The following TBC1D12 variants were observed in gnomAD, a reference collection of about 807,000 sequenced individuals.
TBC1D12 encodes TBC1 domain family, member 12.
A neutral mutation model predicts 86.7 loss-of-function variants in TBC1D12; 56 were observed. The ratio of observed to expected loss-of-function variants is 0.65; its 90% CI spans 0.52 to 0.81. The LOEUF is 0.81. TBC1D12 is among the 30% of genes least tolerant of loss of function. The pLI is 0.00. For synonymous variants in TBC1D12, 421 were observed against 411.7 expected (o/e 1.02, Z -0.27); for missense variants, 1,023 against 1,038.8 (o/e 0.98, Z 0.21).
chr10:94,470,494 C>T (rs1290983355), intron 2 of TBC1D12, among the ~76,000 whole-genome samples: 1 of 151,984 alleles, frequency 6.6e-6, no homozygotes, highest in African/African-American at 2.4e-5. Context: ...TCCCAAGTAG[C>T]TGAGGACTAG....
intron 1 of TBC1D12, among the ~76,000 whole-genome samples, chr10:94,439,090 C>T (rs1286383495): frequency 6.6e-6 from 1 of 152,110 alleles, no homozygotes; most frequent in African/African-American, 2.4e-5. Flanking sequence ...AGATGTGAGC[C>T]ACCATGCCCC....
intron 1 of TBC1D12, among the ~76,000 whole-genome samples, chr10:94,420,169 A>G (rs1218846089): frequency 6.6e-6 from 1 of 152,128 alleles, no homozygotes; most frequent in Admixed American, 6.5e-5. Context: ...TAACACCCTT[A>G]TAAGAAGAGG....
Position 94,533,234 on chromosome 10 carries a change from A to G in TBC1D12, c.*138A>G, listed in dbSNP as rs1319934952. ...AGAGGTGGAAAACTGCTGATTTTACATTTTATGGCTGAAGTAAATGAAATA... is the reference window on the plus strand; with the variant it reads ...AGAGGTGGAAAACTGCTGATTTTACGTTTTATGGCTGAAGTAAATGAAATA... On this transcript the variant is annotated 3_prime_UTR_variant, in exon 13 of 13. Transcript: ENST00000225235. 5 of 518,474 alleles carry G rather than the reference A, an allele frequency of 9.6e-6. No homozygotes were observed. Among genetic ancestry groups the G allele is most frequent in the Non-Finnish European group, 1.7e-5 (5 of 298,900 alleles). The allele number at this position is 518,474 out of a possible 1,614,324, so 32.1% of individuals were successfully genotyped here.
intron 2 of TBC1D12, among the ~76,000 whole-genome samples, chr10:94,471,978 T>C (rs2055913977): frequency 6.6e-6 from 1 of 152,242 alleles, no homozygotes; most frequent in African/African-American, 2.4e-5. Context: ...ATACTTCATA[T>C]TGCATCATAC....
chr10:94,460,470 C>A (rs923545031), intron 2 of TBC1D12, among the ~76,000 whole-genome samples: 1 of 151,972 alleles, frequency 6.6e-6, no homozygotes, highest in African/African-American at 2.4e-5. Flanking sequence ...AGGATAAGTT[C>A]ATATCTTTGC....
intron 11 of TBC1D12, among the ~76,000 whole-genome samples, chr10:94,522,739 C>A (rs974191169): frequency 1.3e-5 from 2 of 152,038 alleles, no homozygotes; most frequent in African/African-American, 4.8e-5. Context: ...CATGGCGAAA[C>A]CCCGTCTCTA....
chr10:94,437,991 CTTTTTTTT>C (rs60477158), intron 1 of TBC1D12, among the ~76,000 whole-genome samples: 1 of 30,034 alleles, frequency 3.3e-5, no homozygotes, highest in Admixed American at 7.2e-4. Flanking sequence ...TCTCCTGGAG[CTTTTTTTT>C]TTTTTTTTTT....
chr10:94,445,193 T>TA (rs1440582455), intron 2 of TBC1D12, among the ~76,000 whole-genome samples: 1 of 151,430 alleles, frequency 6.6e-6, no homozygotes, highest in African/African-American at 2.4e-5. Flanking sequence ...ACCCCGTCTC[T>TA]ACTAAAAATA....
chr10:94,403,902 C>T (rs2054812609), intron 1 of TBC1D12, among the ~76,000 whole-genome samples: 1 of 151,932 alleles, frequency 6.6e-6, no homozygotes, highest in African/African-American at 2.4e-5. Context: ...TCTAGTGCCA[C>T]ATATGCAGTT....
chr10:94,418,884 T>C (rs1238940907), intron 1 of TBC1D12, among the ~76,000 whole-genome samples: 1 of 150,164 alleles, frequency 6.7e-6, no homozygotes, highest in Non-Finnish European at 1.5e-5. Flanking sequence ...TTTTTTTTCT[T>C]TTTTTTTCGA....
chr10:94,469,021 G>A (rs2055863432), intron 2 of TBC1D12, among the ~76,000 whole-genome samples: 1 of 152,176 alleles, frequency 6.6e-6, no homozygotes, highest in African/African-American at 2.4e-5. Context: ...TCTTAGTTAT[G>A]GGATAAATTA....
rs148155719 is a variant in TBC1D12, at chr10:94,443,186, CAG to C, written c.1095+1169_1095+1170del. Among the ~76,000 whole-genome samples, 650 of 152,316 alleles carry C rather than the reference CAG, an allele frequency of 4.3e-3. 7 individuals carry two copies. The highest frequency in any genetic ancestry group is 0.015 in the African/African-American group (622 of 41,576). ...GTCCCTGAGAGAAGCATAAGACAAA[CAG>C]AAGTTGCTGAGATTGCCGTCTTTCT... On this transcript the variant is annotated intron_variant, in intron 2 of 12. Coordinates refer to ENST00000225235, the MANE Select transcript of TBC1D12 (RefSeq NM_015188.2).
chr10:94,530,720 C>T (rs138030616), intron 11 of TBC1D12, among the ~76,000 whole-genome samples: 2 of 152,250 alleles, frequency 1.3e-5, no homozygotes, highest in East Asian at 3.9e-4. Context: ...GGTTTCATAG[C>T]TCATACCCTT....
Position 94,493,426 on chromosome 10 carries a change from G to A in TBC1D12, c.1273G>A (p.Val425Met). ...TCACCGACAAGAATACGATGAGATG[G>A]TGGCTGAGGCTAAAAAACGAGGTAT... ...LRHRQEYDEM[V>M]AEAKKREIKE... Residue 425 changes from valine (V) to methionine (M), a missense_variant, in exon 4 of 13, where the codon GTG becomes ATG. Transcript: ENST00000225235. The A allele has an allele frequency of 6.2e-7, 1 of 1,612,480 alleles. No homozygotes were observed.
At chr10:94,481,325 T>A (rs901539888) in intron 3 of TBC1D12, among the ~76,000 whole-genome samples, 2 of 151,472 alleles carry the variant, frequency 1.3e-5, no homozygotes, top group Admixed American at 6.6e-5. Context: ...TGGCATCTTT[T>A]TCCAGTAGAA....
intron 1 of TBC1D12, among the ~76,000 whole-genome samples, chr10:94,435,404 T>C (rs986039984): frequency 1.3e-5 from 2 of 152,244 alleles, no homozygotes; most frequent in African/African-American, 4.8e-5. Context: ...TTATATACAG[T>C]GGTCAATACA....
chr10:94,494,549 T>C (rs530663407), intron 4 of TBC1D12, among the ~76,000 whole-genome samples: 3 of 152,182 alleles, frequency 2.0e-5, no homozygotes, highest in Non-Finnish European at 4.4e-5. Context: ...TTATTACTTA[T>C]TTTTATTTTT....
At chr10:94,463,340 A>G (rs2055757669) in intron 2 of TBC1D12, among the ~76,000 whole-genome samples, 1 of 152,208 alleles carries the variant, frequency 6.6e-6, no homozygotes, top group Non-Finnish European at 1.5e-5. Flanking sequence ...GAGGGGCTTC[A>G]TCTGGTAAGA....
At chr10:94,433,574 G>T (rs1204535051) in intron 1 of TBC1D12, among the ~76,000 whole-genome samples, 2 of 152,136 alleles carry the variant, frequency 1.3e-5, no homozygotes, top group Non-Finnish European at 2.9e-5. Context: ...GTTTGGTAAG[G>T]ATTACAATAT....
Sources: allele counts gnomAD v4.1 joint callset (sites outside exome capture counted in the v4.1 genomes callset), GRCh38; gene constraint gnomAD v4.1.1; transcripts MANE v1.5; gene names NCBI Gene and HGNC (gene_info 2026-07-23, HGNC 2026-07-21).